HDAC9: variants seen among roughly 807,000 people sequenced by gnomAD.
The protein encoded by HDAC9 is MEF-2 interacting transcription repressor (MITR) protein.
In HDAC9, 41 loss-of-function variants were observed where a neutral mutation model predicts 139.4. The observed-to-expected ratio is 0.29, with a 90% CI of 0.23 to 0.38. The LOEUF (loss-of-function observed/expected upper bound fraction) is 0.38. HDAC9 is among the 10% of genes least tolerant of loss of function. The probability of loss-of-function intolerance (pLI) is 1.00; values close to 1 mark genes in which losing one functional copy is unlikely to be tolerated. For synonymous variants in HDAC9, 517 were observed against 476.2 expected (o/e 1.09, Z -1.12); for missense variants, 1,147 against 1,297.0 (o/e 0.88, Z 1.78).
intron 2 of HDAC9, among the ~76,000 whole-genome samples, chr7:18,263,245 T>C (rs1177807522): frequency 9.9e-5 from 15 of 152,156 alleles, no homozygotes; most frequent in South Asian, 2.1e-4. Context: ...TCAGACCCAA[T>C]AGATTTTTTT....
At position 18,633,462 on chromosome 7, in the gene HDAC9, T is replaced by A. The variant is rs1035047558; in HGVS notation, c.797-1165T>A. Among the ~76,000 whole-genome samples the A allele has an allele frequency of 4.1e-4, 63 of 151,990 alleles. 2 individuals carry two copies. Among genetic ancestry groups the A allele is most frequent in the East Asian group, 5.8e-4 (3 of 5,170 alleles). Reference sequence around the variant, plus strand: ...GGGCCTGAAGATTCCACCTAACTAATCCTTTTAGGATTTTTTTAAGGGGAT... The same window carrying A: ...GGGCCTGAAGATTCCACCTAACTAAACCTTTTAGGATTTTTTTAAGGGGAT... On this transcript the variant is annotated intron_variant, in intron 7 of 25. Transcript: ENST00000686413.
At chr7:18,417,098 C>G (rs770471610) in intron 1 of HDAC9, among the ~76,000 whole-genome samples, 1 of 152,122 alleles carries the variant, frequency 6.6e-6, no homozygotes, top group Non-Finnish European at 1.5e-5. Flanking sequence ...AAAGCTATCC[C>G]AGGGCCCACT....
At chr7:18,138,007 T>C (rs1785563378) in intron 1 of HDAC9, among the ~76,000 whole-genome samples, 1 of 152,120 alleles carries the variant, frequency 6.6e-6, no homozygotes, top group African/African-American at 2.4e-5. Context: ...TATTCAGAGA[T>C]TCAACTTCTT....
chr7:18,273,105 GCCCTCGCTGGAGTGC>G, intron 2 of HDAC9, among the ~76,000 whole-genome samples: 1 of 109,058 alleles, frequency 9.2e-6, no homozygotes, highest in East Asian at 2.9e-4. Flanking sequence ...GATGTCTGTT[GCCCTCGCTGGAGTGC>G]AGTGACATCA....
At position 18,829,229 on chromosome 7, in the gene HDAC9, G is replaced by A. The variant is rs1248950771; in HGVS notation, c.2378+13G>A. 6.2e-7 allele frequency: 1 copy of A among 1,604,412 alleles called. No homozygotes were observed. On this transcript the variant is annotated intron_variant, in intron 18 of 25. Coordinates refer to ENST00000686413, the MANE Select transcript of HDAC9 (RefSeq NM_178425.4). ...AATCCACAGCCATGTAAGTACCAGGGACTGTTGCCCATCTCCAAGCACCAC... is the reference window on the plus strand; with the variant it reads ...AATCCACAGCCATGTAAGTACCAGGAACTGTTGCCCATCTCCAAGCACCAC...
At chr7:18,535,969 C>A (rs1472745626) in intron 2 of HDAC9, among the ~76,000 whole-genome samples, 1 of 152,082 alleles carries the variant, frequency 6.6e-6, no homozygotes, top group African/African-American at 2.4e-5. Context: ...CTGTAGATGC[C>A]CCACTCAAAC....
intron 11 of HDAC9, among the ~76,000 whole-genome samples, chr7:18,652,533 A>AC (rs1201870403): frequency 6.6e-6 from 1 of 151,774 alleles, no homozygotes. Flanking sequence ...TATTTGAATG[A>AC]TATATAGAAA....
intron 1 of HDAC9, among the ~76,000 whole-genome samples, chr7:18,338,415 T>C (rs1781744642): frequency 1.3e-5 from 2 of 151,658 alleles, no homozygotes; most frequent in African/African-American, 4.8e-5. Context: ...AGGATTAGGC[T>C]CAAGGTACGT....
chr7:18,604,074 A>T (rs151221386), intron 6 of HDAC9, among the ~76,000 whole-genome samples: 1 of 152,194 alleles, frequency 6.6e-6, no homozygotes, highest in Non-Finnish European at 1.5e-5. Flanking sequence ...CTGCAATTTG[A>T]ACATGATATG....
At chr7:18,643,856 A>C (rs1307264757) in intron 8 of HDAC9, among the ~76,000 whole-genome samples, 1 of 152,078 alleles carries the variant, frequency 6.6e-6, no homozygotes, top group East Asian at 1.9e-4. Context: ...ATATCAGGCC[A>C]GAGTTCCTTA....
chr7:18,126,891 A>G (rs797010917), intron 1 of HDAC9, among the ~76,000 whole-genome samples: 31 of 152,314 alleles, frequency 2.0e-4, no homozygotes, highest in African/African-American at 7.0e-4. Flanking sequence ...AGGAAGAGCA[A>G]TTGGGATTAA....
At chr7:18,841,389 A>T (rs1796572511) in intron 21 of HDAC9, among the ~76,000 whole-genome samples, 1 of 152,120 alleles carries the variant, frequency 6.6e-6, no homozygotes, top group Admixed American at 6.6e-5. Context: ...AAAAACAACA[A>T]TATAATAATA....
At chr7:18,453,469 A>G (rs966506760) in intron 1 of HDAC9, among the ~76,000 whole-genome samples, 7 of 152,182 alleles carry the variant, frequency 4.6e-5, no homozygotes, top group African/African-American at 1.4e-4. Flanking sequence ...AATTCACAGT[A>G]TTCACAGTAG....
chr7:18,658,684 T>C (rs953615196), intron 11 of HDAC9, among the ~76,000 whole-genome samples: 2 of 152,120 alleles, frequency 1.3e-5, no homozygotes, highest in African/African-American at 2.4e-5. Context: ...TTATTTTGGC[T>C]TGAGGTTGGA....
Position 18,999,098 on chromosome 7 carries a change from C to T in HDAC9, c.*3036C>T, listed in dbSNP as rs1786621376. On this transcript the variant is annotated 3_prime_UTR_variant, in exon 26 of 26. Coordinates refer to ENST00000686413, the MANE Select transcript of HDAC9 (RefSeq NM_178425.4). Reference sequence around the variant, plus strand: ...AAGTTTATAACATCAATAGTGGAGACAGAAGTCAGCTTTGGAGAAAATAGA... The same window carrying T: ...AAGTTTATAACATCAATAGTGGAGATAGAAGTCAGCTTTGGAGAAAATAGA... 6.6e-6 allele frequency: 1 copy of T among 152,130 alleles called. No homozygotes were observed. The highest frequency in any genetic ancestry group is 2.4e-5 in the African/African-American group (1 of 41,434). 9.4% of individuals were successfully genotyped at this position (152,130 alleles called of 1,614,324 possible). A position where few individuals can be genotyped will look rare whatever the true frequency, so the allele number is the denominator to read the frequency against.
chr7:18,798,909 C>G (rs985215745), intron 17 of HDAC9, among the ~76,000 whole-genome samples: 1 of 152,014 alleles, frequency 6.6e-6, no homozygotes, highest in Non-Finnish European at 1.5e-5. Context: ...GATTTGTGTT[C>G]CTACTCAGGA....
intron 1 of HDAC9, among the ~76,000 whole-genome samples, chr7:18,392,315 T>TCACACACACACACACACA (rs57932620): frequency 8.4e-6 from 1 of 119,298 alleles, no homozygotes; most frequent in Non-Finnish European, 1.8e-5. Flanking sequence ...TCTCTCTCTC[T>TCACACACACACACACACA]CACACACACA....
chr7:18,706,160 C>CTTTTTTTTTTTTTTTTTTTT (rs1165670432), intron 12 of HDAC9, among the ~76,000 whole-genome samples: 1 of 86,750 alleles, frequency 1.2e-5, no homozygotes, highest in Non-Finnish European at 2.1e-5. Flanking sequence ...GAAAGTTTTC[C>CTTTTTTTTTTTTTTTTTTTT]TTTTTTTTTT....
chr7:18,792,450 T>A (rs1792406313), intron 16 of HDAC9, among the ~76,000 whole-genome samples: 1 of 152,032 alleles, frequency 6.6e-6, no homozygotes, highest in Non-Finnish European at 1.5e-5. Context: ...AAGTATTTTA[T>A]ATATTAAAAA....
Sources: allele counts gnomAD v4.1 joint callset (sites outside exome capture counted in the v4.1 genomes callset), GRCh38; gene constraint gnomAD v4.1.1; transcripts MANE v1.5; gene names NCBI Gene and HGNC (gene_info 2026-07-23, HGNC 2026-07-21).